Variants in CTNNA3 observed in about 807,000 individuals in gnomAD.
CTNNA3 encodes the protein catenin alpha 3.
Under a neutral mutation model 95.7 loss-of-function variants are expected in CTNNA3, and 76 were observed. That is an observed-to-expected ratio of 0.79 (90% CI 0.66 to 0.96). The LOEUF (loss-of-function observed/expected upper bound fraction) is 0.96. Ranked by LOEUF, CTNNA3 falls within the 40% of genes least tolerant of loss-of-function variation. CTNNA3 has a pLI of 0.00. For missense variants in CTNNA3, 1,191 were observed against 1,089.8 expected (o/e 1.09, Z -1.31); for synonymous variants, 431 against 374.4 (o/e 1.15, Z -1.74).
intron 3 of CTNNA3, among the ~76,000 whole-genome samples, chr10:67,562,737 ACC>A (rs1281208988): frequency 2.0e-5 from 3 of 152,080 alleles, no homozygotes; most frequent in Non-Finnish European, 4.4e-5. Flanking sequence ...TATCTAGAAA[ACC>A]CCATCATCTC....
chr10:66,479,078 C>T (rs1456719052), intron 11 of CTNNA3, among the ~76,000 whole-genome samples: 1 of 151,606 alleles, frequency 6.6e-6, no homozygotes, highest in African/African-American at 2.4e-5. Flanking sequence ...CGTTTTTGTA[C>T]AGTTTTTGAG....
At chr10:66,582,462 G>T (rs1210186222) in intron 10 of CTNNA3, among the ~76,000 whole-genome samples, 2 of 151,612 alleles carry the variant, frequency 1.3e-5, no homozygotes, top group South Asian at 4.1e-4. Flanking sequence ...ATGTATAGCA[G>T]TGATACTGAT....
At chr10:67,193,853 T>C (rs2132183344) in intron 6 of CTNNA3, among the ~76,000 whole-genome samples, 1 of 122,546 alleles carries the variant, frequency 8.2e-6, no homozygotes, top group Admixed American at 7.1e-5. Context: ...TGGGTCAAAA[T>C]GAATTTCTGT....
intron 6 of CTNNA3, among the ~76,000 whole-genome samples, chr10:67,201,700 T>C (rs1863658956): frequency 6.6e-6 from 1 of 152,188 alleles, no homozygotes. Flanking sequence ...TTACTTTAAT[T>C]GCAATTATAT....
At chr10:66,968,047 G>T (rs185697299) in intron 7 of CTNNA3, among the ~76,000 whole-genome samples, 2 of 152,110 alleles carry the variant, frequency 1.3e-5, no homozygotes, top group African/African-American at 4.8e-5. Context: ...TATACTCTGA[G>T]CATGAAGTTA....
intron 10 of CTNNA3, among the ~76,000 whole-genome samples, chr10:66,605,303 G>A (rs1844079165): frequency 6.6e-6 from 1 of 152,086 alleles, no homozygotes; most frequent in South Asian, 2.1e-4. Flanking sequence ...ATAAATATGA[G>A]ATTATGTAAA....
intron 15 of CTNNA3, among the ~76,000 whole-genome samples, chr10:66,064,260 G>A (rs966740825): frequency 2.0e-5 from 3 of 152,132 alleles, no homozygotes; most frequent in Admixed American, 6.5e-5. Context: ...CTGACGCCAT[G>A]ATTCAATTGC....
intron 1 of CTNNA3, among the ~76,000 whole-genome samples, chr10:67,680,237 C>A (rs539602089): frequency 6.6e-6 from 1 of 152,064 alleles, no homozygotes; most frequent in Non-Finnish European, 1.5e-5. Context: ...TCCAGGGGGT[C>A]TCAAGCAGAG....
chr10:67,245,855 CAAAAAAAAAAA>C (rs34908113), intron 5 of CTNNA3, among the ~76,000 whole-genome samples: 1 of 72,164 alleles, frequency 1.4e-5, no homozygotes, highest in Non-Finnish European at 3.3e-5. Context: ...ACTCTGTCTC[CAAAAAAAAAAA>C]AAAAAAAACC....
At chr10:66,684,590 TA>T (rs1847181530) in intron 9 of CTNNA3, among the ~76,000 whole-genome samples, 2 of 152,152 alleles carry the variant, frequency 1.3e-5, no homozygotes. Flanking sequence ...ACTGCTTTCT[TA>T]TAATGAAGGC....
intron 7 of CTNNA3, among the ~76,000 whole-genome samples, chr10:66,821,973 T>G (rs1363886914): frequency 1.3e-5 from 2 of 151,964 alleles, no homozygotes; most frequent in Non-Finnish European, 2.9e-5. Flanking sequence ...GTCCTGAATA[T>G]TTTTTGAAGC....
intron 7 of CTNNA3, among the ~76,000 whole-genome samples, chr10:66,839,444 A>G (rs1324133232): frequency 1.3e-5 from 2 of 152,192 alleles, no homozygotes; most frequent in Non-Finnish European, 2.9e-5. Context: ...GCATAAAAGT[A>G]TACAGAATTA....
chr10:66,526,854 T>TA (rs1841285602), intron 10 of CTNNA3, among the ~76,000 whole-genome samples: 3 of 152,168 alleles, frequency 2.0e-5, no homozygotes, highest in Non-Finnish European at 4.4e-5. Context: ...TCTGATCATA[T>TA]ATATGATTTG....
intron 11 of CTNNA3, among the ~76,000 whole-genome samples, chr10:66,419,315 T>A (rs2093172167): frequency 6.6e-6 from 1 of 151,766 alleles, no homozygotes; most frequent in East Asian, 1.9e-4. Context: ...ACCAAAAAAA[T>A]TACATAGGAA....
chr10:66,809,670 CTTATA>C (rs2132258787), intron 7 of CTNNA3, among the ~76,000 whole-genome samples: 1 of 152,166 alleles, frequency 6.6e-6, no homozygotes, highest in Non-Finnish European at 1.5e-5. Flanking sequence ...TGATTTGTGT[CTTATA>C]TTAAAGGATC....
intron 1 of CTNNA3, among the ~76,000 whole-genome samples, chr10:67,707,114 A>G (rs974455615): frequency 7.2e-5 from 11 of 152,086 alleles, no homozygotes; most frequent in Non-Finnish European, 1.5e-4. Context: ...ACATTTCTCT[A>G]GCTCTCCTAC....
Position 66,805,630 on chromosome 10 carries a change from A to C in CTNNA3, c.1048-30106T>G, listed in dbSNP as rs113977701. Among the ~76,000 whole-genome samples, 513 of 151,888 alleles carry C rather than the reference A, an allele frequency of 3.4e-3. 2 individuals carry two copies. Among genetic ancestry groups the C allele is most frequent in the African/African-American group, 0.012 (489 of 41,468 alleles). Reference sequence around the variant, plus strand: ...CTGAGATGTCTATTTTTCTCAGAAAATTCAAGCTATCTCTTTTATAGATTC... The same window carrying C: ...CTGAGATGTCTATTTTTCTCAGAAACTTCAAGCTATCTCTTTTATAGATTC... On this transcript the variant is annotated intron_variant, in intron 7 of 17. Coordinates refer to ENST00000433211, the MANE Select transcript of CTNNA3 (RefSeq NM_013266.4).
intron 15 of CTNNA3, among the ~76,000 whole-genome samples, chr10:66,019,065 C>G (rs899204231): frequency 1.3e-5 from 2 of 152,024 alleles, no homozygotes; most frequent in African/African-American, 4.8e-5. Context: ...AACCAAATGG[C>G]TAAACTAACT....
chr10:67,293,385 C>A (rs1839910052), intron 5 of CTNNA3, among the ~76,000 whole-genome samples: 1 of 152,110 alleles, frequency 6.6e-6, no homozygotes, highest in Non-Finnish European at 1.5e-5. Context: ...AATAAATATT[C>A]TCCTATGGTA....
Sources: allele counts gnomAD v4.1 joint callset (sites outside exome capture counted in the v4.1 genomes callset), GRCh38; gene constraint gnomAD v4.1.1; transcripts MANE v1.5; gene names NCBI Gene and HGNC (gene_info 2026-07-23, HGNC 2026-07-21).